CAMK1D: variants seen among roughly 807,000 people sequenced by gnomAD.
The protein encoded by CAMK1D is calcium/calmodulin dependent protein kinase ID.
Under a neutral mutation model 47.7 loss-of-function variants are expected in CAMK1D, and 9 were observed. That is an observed-to-expected ratio of 0.19 (90% CI 0.11 to 0.33). The LOEUF (loss-of-function observed/expected upper bound fraction) is 0.33. Ranked by LOEUF, CAMK1D falls within the 10% of genes least tolerant of loss-of-function variation. The pLI, the probability that CAMK1D is intolerant of heterozygous loss-of-function variation, is 1.00. For synonymous variants in CAMK1D, 184 were observed against 184.9 expected, an observed-to-expected ratio of 0.99 and a Z score of 0.04; for missense variants, 291 against 488.7, an observed-to-expected ratio of 0.60 and a Z score of 3.81.
intron 3 of CAMK1D, among the ~76,000 whole-genome samples, chr10:12,734,648 C>T (rs1348725377): frequency 2.6e-5 from 4 of 151,350 alleles, no homozygotes; most frequent in Admixed American, 6.6e-5. Flanking sequence ...AATCCCAGAG[C>T]TGTGTTTGTG....
chr10:12,714,771 C>CAT lies in CAMK1D; in HGVS notation c.300-46176_300-46175insTA, dbSNP rs1229131188. ...ATAGGTACATTAAATTACACACACA[C>CAT]ACACACACACACACACACACACACA... On this transcript the variant is annotated intron_variant, in intron 3 of 10. Transcript: ENST00000619168. Among the ~76,000 whole-genome samples, 305 of 141,950 alleles carry CAT rather than the reference C, an allele frequency of 2.1e-3. 5 individuals carry two copies. The highest frequency in any genetic ancestry group is 0.019 in the Admixed American group (282 of 14,706). 93.1% of individuals were successfully genotyped at this position (141,950 alleles called of 152,430 possible). A position where few individuals can be genotyped will look rare whatever the true frequency, so the allele number is the denominator to read the frequency against.
chr10:12,651,925 C>T lies in CAMK1D; in HGVS notation c.225-14811C>T, dbSNP rs547032290. On this transcript the variant is annotated intron_variant, in intron 2 of 10. Coordinates refer to ENST00000619168, the MANE Select transcript of CAMK1D (RefSeq NM_153498.4). ...TCCCAAGTAGCTGGGACTACAGGTG[C>T]CCGCCACCACGCCCCGCTAATTTTT... is the stretch of plus-strand genomic sequence containing the variant. Among the ~76,000 whole-genome samples the T allele has an allele frequency of 5.3e-5, 8 of 152,002 alleles. No individual in the cohort carries two copies. The East Asian group carries it at 1.4e-3, about 26-fold the overall frequency.
chr10:12,828,510 GAGCC>G (rs1456663652), intron 10 of CAMK1D, among the ~76,000 whole-genome samples: 87 of 152,078 alleles, frequency 5.7e-4, no homozygotes, highest in Non-Finnish European at 1.1e-3. Context: ...GCGTGGTGGT[GAGCC>G]CCTGTAATCC....
At chr10:12,820,706 G>C (rs932310764) in intron 8 of CAMK1D, among the ~76,000 whole-genome samples, 1 of 152,192 alleles carries the variant, frequency 6.6e-6, no homozygotes, top group Non-Finnish European at 1.5e-5. Flanking sequence ...ACAGGAGAGG[G>C]GTCTTTTCAG....
At chr10:12,458,875 CT>C (rs1358131019) in intron 1 of CAMK1D, among the ~76,000 whole-genome samples, 4 of 136,008 alleles carry the variant, frequency 2.9e-5, no homozygotes, top group Non-Finnish European at 6.2e-5. Flanking sequence ...TCCTTCCTTT[CT>C]TTCCTTTTTT....
intron 1 of CAMK1D, among the ~76,000 whole-genome samples, chr10:12,379,033 C>T (rs776238417): frequency 6.6e-6 from 1 of 152,096 alleles, no homozygotes; most frequent in Non-Finnish European, 1.5e-5. Flanking sequence ...TGGTCTCAAA[C>T]TCCTGATCTC....
intron 3 of CAMK1D, among the ~76,000 whole-genome samples, chr10:12,700,978 C>G (rs975569520): frequency 6.6e-6 from 1 of 152,166 alleles, no homozygotes; most frequent in East Asian, 1.9e-4. Flanking sequence ...CCTTTCCAGT[C>G]TAAAGGTCAG....
intron 3 of CAMK1D, among the ~76,000 whole-genome samples, chr10:12,674,137 G>A (rs1010228110): frequency 2.2e-4 from 34 of 152,062 alleles, no homozygotes. Flanking sequence ...GTAGAGATGG[G>A]TCTTGCTGTG....
chr10:12,516,841 TC>T (rs1184542855), intron 1 of CAMK1D, among the ~76,000 whole-genome samples: 1 of 152,226 alleles, frequency 6.6e-6, no homozygotes, highest in Admixed American at 6.5e-5. Flanking sequence ...ACGTTGTTTT[TC>T]TTGTGGAATT....
intron 1 of CAMK1D, among the ~76,000 whole-genome samples, chr10:12,447,093 GTC>G (rs140590174): frequency 1.3e-5 from 2 of 151,846 alleles, no homozygotes; most frequent in African/African-American, 4.8e-5. Flanking sequence ...TTTCCACTGT[GTC>G]TCTCTCTCTC....
chr10:12,557,229 G>C (rs1239593183), intron 2 of CAMK1D, among the ~76,000 whole-genome samples: 1 of 152,108 alleles, frequency 6.6e-6, no homozygotes, highest in Non-Finnish European at 1.5e-5. Context: ...TTGCTGATTG[G>C]TAAAGTTTTT....
chr10:12,615,939 AGT>A (rs757570812), intron 2 of CAMK1D, among the ~76,000 whole-genome samples: 5 of 146,518 alleles, frequency 3.4e-5, no homozygotes, highest in South Asian at 4.4e-4. Flanking sequence ...TGTGTTTGCA[AGT>A]GTGTTGGTGT....
chr10:12,713,318 C>T (rs1452738244), intron 3 of CAMK1D, among the ~76,000 whole-genome samples: 1 of 152,172 alleles, frequency 6.6e-6, no homozygotes, highest in East Asian at 1.9e-4. Context: ...AACTTGTGGA[C>T]GATGCCTTTA....
intron 6 of CAMK1D, among the ~76,000 whole-genome samples, chr10:12,811,489 T>C (rs1226853802): frequency 1.3e-5 from 2 of 152,234 alleles, no homozygotes; most frequent in African/African-American, 4.8e-5. Flanking sequence ...TCTTTTTTCT[T>C]AATTTTGACT....
At chr10:12,508,266 G>A (rs570188686) in intron 1 of CAMK1D, among the ~76,000 whole-genome samples, 76 of 152,330 alleles carry the variant, frequency 5.0e-4, no homozygotes, top group African/African-American at 1.8e-3. Flanking sequence ...TTCCGTTGAC[G>A]GATGAAAGAG....
At chr10:12,772,534 T>A (rs1407581260) in intron 5 of CAMK1D, among the ~76,000 whole-genome samples, 1 of 152,206 alleles carries the variant, frequency 6.6e-6, no homozygotes. Context: ...AAATTGAGTT[T>A]TACTGCTCTG....
intron 3 of CAMK1D, among the ~76,000 whole-genome samples, chr10:12,753,474 C>T (rs903095037): frequency 3.3e-5 from 5 of 152,190 alleles, no homozygotes; most frequent in African/African-American, 1.2e-4. Flanking sequence ...TACAAGTCCT[C>T]ATTAGACTAA....
In CAMK1D at chr10:12,778,912, A is replaced by G. The variant is rs79712940; in HGVS notation, c.565+9113A>G. ...AATGAGAGGGTTCATCAAGGGTTGG[A>G]ATGACCAGGGGAAAACTCCTGGAGG... On this transcript the variant is annotated intron_variant, in intron 5 of 10. Transcript: ENST00000619168. Among the ~76,000 whole-genome samples the G allele has an allele frequency of 6.0e-3, 910 of 152,242 alleles. 4 individuals are homozygous for G. Among genetic ancestry groups the G allele is most frequent in the Middle Eastern group, 0.034 (10 of 294 alleles).
chr10:12,532,521 C>T lies in CAMK1D; in HGVS notation c.93-20704C>T, dbSNP rs1053825187. ...GTCTCGATCTCCTGACCTCGTGATC[C>T]GTCCGCCTCGGCCTCCCAAAGTGCT... On this transcript the variant is annotated intron_variant, in intron 1 of 10. Transcript: ENST00000619168. Among the ~76,000 whole-genome samples the T allele has an allele frequency of 1.4e-4, 21 of 152,288 alleles. No homozygotes were observed. In the East Asian group the frequency reaches 2.9e-3, roughly 21 times the overall value.
Sources: gnomAD v4.1 joint callset for allele counts (sites outside exome capture counted in the v4.1 genomes callset) on GRCh38, gnomAD v4.1.1 for gene constraint, MANE v1.5 for transcripts, NCBI Gene and HGNC (gene_info 2026-07-23, HGNC 2026-07-21) for gene names.